CUX1: variants seen among roughly 807,000 people sequenced by gnomAD.
CUX1 encodes the protein cut like homeobox 1, also known as protein CASP.
In CUX1, 31 loss-of-function variants were observed where a neutral mutation model predicts 158.8. The ratio of observed to expected loss-of-function variants is 0.20; its 90% CI spans 0.15 to 0.26. CUX1 has a LOEUF of 0.26. Ranked by LOEUF, CUX1 falls within the 10% of genes least tolerant of loss-of-function variation. The pLI, the probability that CUX1 is intolerant of heterozygous loss-of-function variation, is 1.00. For synonymous variants in CUX1, 879 were observed against 862.1 expected (o/e 1.02, Z -0.34); for missense variants, 1,589 against 2,014.6 (o/e 0.79, Z 4.04).
At chr7:102,138,243 T>C (rs11972888) in intron 8 of CUX1, among the ~76,000 whole-genome samples, 12,558 of 152,310 alleles carry the variant, frequency 0.082, 691 homozygotes, top group African/African-American at 0.14. Flanking sequence ...TCTACCACCC[T>C]TTTTGGATTT....
intron 1 of CUX1, among the ~76,000 whole-genome samples, chr7:101,904,051 G>C (rs867117404): frequency 5.9e-5 from 9 of 152,024 alleles, no homozygotes; most frequent in African/African-American, 2.2e-4. Flanking sequence ...GCAGTACTTT[G>C]GGAGGCTGAG....
chr7:101,972,861 A>G (rs867787576), intron 2 of CUX1, among the ~76,000 whole-genome samples: 2 of 152,032 alleles, frequency 1.3e-5, no homozygotes, highest in African/African-American at 4.8e-5. Context: ...TTGGCATTCA[A>G]AGTTGCACCC....
intron 2 of CUX1, among the ~76,000 whole-genome samples, chr7:101,931,141 C>G: frequency 6.6e-6 from 1 of 152,176 alleles, no homozygotes; most frequent in East Asian, 1.9e-4. Context: ...AGACTCGTCC[C>G]TTTTCCATAG....
chr7:102,073,198 G>A (rs1238705169), intron 4 of CUX1, among the ~76,000 whole-genome samples: 4 of 27,758 alleles, frequency 1.4e-4, no homozygotes, highest in Non-Finnish European at 2.5e-4. Context: ...TTCTGAGACA[G>A]AGTCGCACTC....
intron 1 of CUX1, among the ~76,000 whole-genome samples, chr7:101,857,676 C>T (rs1715901917): frequency 6.6e-6 from 1 of 152,228 alleles, no homozygotes; most frequent in African/African-American, 2.4e-5. Flanking sequence ...AGGCCGTCAC[C>T]CCTCTAGGTT....
intron 2 of CUX1, among the ~76,000 whole-genome samples, chr7:101,958,484 T>TC (rs1292231662): frequency 3.0e-5 from 4 of 135,144 alleles, no homozygotes; most frequent in Admixed American, 7.1e-5. Context: ...CTTTTCTTTT[T>TC]TTTTTTTTTT....
chr7:101,913,712 A>G (rs1803788631), intron 1 of CUX1, among the ~76,000 whole-genome samples: 1 of 152,122 alleles, frequency 6.6e-6, no homozygotes, highest in Non-Finnish European at 1.5e-5. Context: ...AACCGCCCCC[A>G]GCACCCCCAC....
chr7:102,143,114 G>T (rs894792390), intron 8 of CUX1, among the ~76,000 whole-genome samples: 1 of 152,068 alleles, frequency 6.6e-6, no homozygotes, highest in East Asian at 1.9e-4. Context: ...GCAGGCTGCC[G>T]GCCCACGATG....
intron 1 of CUX1, among the ~76,000 whole-genome samples, chr7:101,879,436 A>G (rs1799487118): frequency 6.6e-6 from 1 of 152,230 alleles, no homozygotes; most frequent in South Asian, 2.1e-4. Context: ...GCTCTTTAAA[A>G]TAATGCAACT....
At chr7:101,822,897 T>A (rs1246274189) in intron 1 of CUX1, among the ~76,000 whole-genome samples, 2 of 148,100 alleles carry the variant, frequency 1.4e-5, no homozygotes, top group African/African-American at 5.0e-5. Flanking sequence ...AGAGCGAGAC[T>A]CTGTCTCAGA....
chr7:102,062,130 A>G (rs1430290381), intron 3 of CUX1, among the ~76,000 whole-genome samples: 2 of 152,184 alleles, frequency 1.3e-5, no homozygotes, highest in Non-Finnish European at 2.9e-5. Flanking sequence ...CTTAATGCTC[A>G]GATAAGACAC....
intron 8 of CUX1, among the ~76,000 whole-genome samples, chr7:102,124,619 A>G (rs1832412716): frequency 6.6e-6 from 1 of 152,192 alleles, no homozygotes; most frequent in Non-Finnish European, 1.5e-5. Flanking sequence ...CTCATGTAAA[A>G]CGTTGATCAC....
At chr7:102,263,037 G>A (rs1311538007), downstream of CUX1, among the ~76,000 whole-genome samples, 8 of 133,420 alleles carry the variant, frequency 6.0e-5, no homozygotes, top group African/African-American at 2.2e-4. Context: ...TTTTGGAGAT[G>A]AAGTCTTACT....
At chr7:101,840,677 C>T (rs1458573345) in intron 1 of CUX1, among the ~76,000 whole-genome samples, 1 of 151,906 alleles carries the variant, frequency 6.6e-6, no homozygotes. Context: ...TTTTCTTATT[C>T]AGTTGGAATT....
chr7:101,831,585 C>G (rs1794020414), intron 1 of CUX1, among the ~76,000 whole-genome samples: 1 of 152,074 alleles, frequency 6.6e-6, no homozygotes, highest in Non-Finnish European at 1.5e-5. Flanking sequence ...AGCCACCATG[C>G]CTGGCCGGAA....
At chr7:101,881,178 A>T (rs1189689102) in intron 1 of CUX1, among the ~76,000 whole-genome samples, 1 of 152,228 alleles carries the variant, frequency 6.6e-6, no homozygotes, top group East Asian at 1.9e-4. Flanking sequence ...GTTGCTGGAG[A>T]TCTCATTACT....
At chr7:102,103,359 C>T (rs1307953108) in intron 5 of CUX1, among the ~76,000 whole-genome samples, 2 of 152,146 alleles carry the variant, frequency 1.3e-5, no homozygotes, top group African/African-American at 4.8e-5. Context: ...AGGGCCAGGC[C>T]TGCTTGCTTG....
intron 2 of CUX1, among the ~76,000 whole-genome samples, chr7:101,959,828 G>T (rs949094536): frequency 3.3e-5 from 5 of 152,114 alleles, no homozygotes; most frequent in African/African-American, 1.2e-4. Context: ...TCTCTGTTTG[G>T]ACATGGTACA....
chr7:102,241,783 C>T (rs576379705), intron 23 of CUX1, among the ~76,000 whole-genome samples: 3 of 152,346 alleles, frequency 2.0e-5, no homozygotes, highest in East Asian at 3.9e-4. Context: ...CAGGCCTCCC[C>T]GTGTTCCAGC....
Sources: gnomAD v4.1 joint callset for allele counts (sites outside exome capture counted in the v4.1 genomes callset) on GRCh38, gnomAD v4.1.1 for gene constraint, MANE v1.5 for transcripts, NCBI Gene and HGNC (gene_info 2026-07-23, HGNC 2026-07-21) for gene names.